The following LNX1 variants were observed in gnomAD, a reference collection of about 807,000 sequenced individuals.
LNX1 encodes ligand of numb-protein X 1, also known as E3 ubiquitin-protein ligase LNX.
LNX1 carries 54 observed loss-of-function variants against 68.4 expected under a neutral mutation model. The ratio of observed to expected loss-of-function variants is 0.79; its 90% confidence interval spans 0.63 to 0.99. LNX1 has a LOEUF of 0.99. Among genes scored for constraint, LNX1 ranks in the 50% least tolerant of loss-of-function variants. The probability of loss-of-function intolerance (pLI) is 0.00; values close to 1 mark genes in which losing one functional copy is unlikely to be tolerated. For missense variants in LNX1, 906 were observed against 926.4 expected (o/e 0.98, Z 0.29); for synonymous variants, 336 against 350.0 (o/e 0.96, Z 0.45).
At chr4:53,638,094 T>A (rs1458661826) in intron 1 of LNX1, among the ~76,000 whole-genome samples, 5 of 152,218 alleles carry the variant, frequency 3.3e-5, no homozygotes, top group Admixed American at 2.0e-4. Context: ...CTTCCTGTCA[T>A]CATGATATAC....
intron 2 of LNX1, among the ~76,000 whole-genome samples, chr4:53,609,418 C>T (rs1465565942): frequency 2.0e-5 from 3 of 150,748 alleles, no homozygotes; most frequent in Non-Finnish European, 4.4e-5. Context: ...GCCAAAAACA[C>T]CAAAAAACTA....
chr4:53,588,381 T>C (rs1241007520), intron 1 of LNX1, among the ~76,000 whole-genome samples: 1 of 152,190 alleles, frequency 6.6e-6, no homozygotes, highest in Non-Finnish European at 1.5e-5. Flanking sequence ...TTCATCTTCA[T>C]GATAACCCTA....
chr4:53,637,446 A>C (rs978304963), intron 1 of LNX1, among the ~76,000 whole-genome samples: 13 of 152,186 alleles, frequency 8.5e-5, no homozygotes, highest in Admixed American at 6.5e-4. Context: ...TGATTCTAGG[A>C]GTAAGAAAAT....
At chr4:53,482,426 T>C (rs1724006546) in intron 6 of LNX1, among the ~76,000 whole-genome samples, 2 of 152,156 alleles carry the variant, frequency 1.3e-5, no homozygotes, top group African/African-American at 4.8e-5. Context: ...TTACCTTCAA[T>C]TCACAATCAC....
chr4:53,500,303 A>T (rs1197161820), intron 4 of LNX1: 1 of 151,878 alleles, frequency 6.6e-6, no homozygotes, highest in African/African-American at 2.4e-5. Context: ...CAGAGGGGAC[A>T]CCAACAAGTG....
At chr4:53,475,197 A>C (rs1723485619) in intron 9 of LNX1, among the ~76,000 whole-genome samples, 1 of 152,260 alleles carries the variant, frequency 6.6e-6, no homozygotes, top group African/African-American at 2.4e-5. Flanking sequence ...CTCTTACACA[A>C]ATGAATAATG....
At chr4:53,582,151 T>C (rs1731875736) in intron 1 of LNX1, among the ~76,000 whole-genome samples, 1 of 152,176 alleles carries the variant, frequency 6.6e-6, no homozygotes, top group Non-Finnish European at 1.5e-5. Flanking sequence ...CTTTTTTGGA[T>C]CTTGATATTT....
At chr4:53,585,345 T>G (rs73147488) in intron 1 of LNX1, among the ~76,000 whole-genome samples, 2 of 152,210 alleles carry the variant, frequency 1.3e-5, no homozygotes, top group Admixed American at 1.3e-4. Context: ...GCCTGTACTT[T>G]GCTCAGTATT....
chr4:53,465,956 T>C (rs991206312), intron 9 of LNX1, among the ~76,000 whole-genome samples: 11 of 152,226 alleles, frequency 7.2e-5, no homozygotes, highest in Non-Finnish European at 1.6e-4. Context: ...GCATAGTATA[T>C]TGGCATCTAC....
In LNX1 at chr4:53,460,439, A is replaced by T. The variant is rs1263165773; in HGVS notation, c.*468T>A. On this transcript the variant is annotated 3_prime_UTR_variant, in exon 11 of 11. Transcript: ENST00000263925. ...CAAAAGTAATCTTAATTAGTATCAC[A>T]TACTAAAAGACAACTATAACTTCTG... 1 of 191,182 alleles carries T rather than the reference A, an allele frequency of 5.2e-6. No homozygotes were observed. Among genetic ancestry groups the T allele is most frequent in the Non-Finnish European group, 1.1e-5 (1 of 91,682 alleles). 11.8% of individuals were successfully genotyped at this position (191,182 alleles called of 1,614,324 possible). A position where few individuals can be genotyped will look rare whatever the true frequency, so the allele number is the denominator to read the frequency against.
chr4:53,629,391 C>A (rs892353728), intron 1 of LNX1, among the ~76,000 whole-genome samples: 5 of 152,174 alleles, frequency 3.3e-5, no homozygotes, highest in Admixed American at 3.3e-4. Flanking sequence ...GGCAAAGAGG[C>A]AGACTTGCAG....
At chr4:53,600,148 C>T (rs998610618) in intron 2 of LNX1, among the ~76,000 whole-genome samples, 1 of 152,182 alleles carries the variant, frequency 6.6e-6, no homozygotes, top group African/African-American at 2.4e-5. Context: ...GAGCAAATTA[C>T]TATTTTCCTC....
At chr4:53,553,915 T>C (rs1715998218) in intron 2 of LNX1, among the ~76,000 whole-genome samples, 1 of 152,214 alleles carries the variant, frequency 6.6e-6, no homozygotes, top group Admixed American at 6.5e-5. Flanking sequence ...ACCCTGAGAC[T>C]GACCCTGTAT....
rs368365386 is a variant in LNX1, at chr4:53,557,879, T to A, written c.380+15744A>T. 7.5e-5 allele frequency: 121 copies of A among 1,613,316 alleles called. No homozygotes were observed. The Middle Eastern group carries it at 8.2e-4, about 11-fold the overall frequency. ...CGGACAGAGAGGGGACTCACAGTTCTGAATACAGGAAGTGCAGGTTGCCCA... is the reference window on the plus strand; with the variant it reads ...CGGACAGAGAGGGGACTCACAGTTCAGAATACAGGAAGTGCAGGTTGCCCA... On this transcript the variant is annotated intron_variant, in intron 2 of 10. Coordinates refer to ENST00000263925, the MANE Select transcript of LNX1 (RefSeq NM_001126328.3).
At chr4:53,483,515 C>T (rs748149840) in intron 6 of LNX1, among the ~76,000 whole-genome samples, 1 of 152,226 alleles carries the variant, frequency 6.6e-6, no homozygotes, top group African/African-American at 2.4e-5. Flanking sequence ...ATGAAACTCA[C>T]ATAAATAGAG....
intron 6 of LNX1, among the ~76,000 whole-genome samples, chr4:53,493,205 G>C (rs978522540): frequency 1.3e-5 from 2 of 152,098 alleles, no homozygotes; most frequent in African/African-American, 4.8e-5. Flanking sequence ...CTGACCTCAT[G>C]ATCTGCCTGC....
At chr4:53,598,749 C>T (rs1322708697) in intron 2 of LNX1, among the ~76,000 whole-genome samples, 2 of 152,170 alleles carry the variant, frequency 1.3e-5, no homozygotes. Context: ...GTCATCTCTT[C>T]GTTTTCTTGA....
At chr4:53,607,361 G>A (rs771936334) in intron 2 of LNX1, among the ~76,000 whole-genome samples, 1 of 151,980 alleles carries the variant, frequency 6.6e-6, no homozygotes, top group South Asian at 2.1e-4. Context: ...TCTCATTCAC[G>A]ATGGTCACGA....
chr4:53,546,489 A>G (rs1729129553), intron 2 of LNX1, among the ~76,000 whole-genome samples: 1 of 152,240 alleles, frequency 6.6e-6, no homozygotes, highest in African/African-American at 2.4e-5. Flanking sequence ...CTCAGGACAC[A>G]TATCATAAAA....
Sources: gnomAD v4.1 joint callset for allele counts (sites outside exome capture counted in the v4.1 genomes callset) on GRCh38, gnomAD v4.1.1 for gene constraint, MANE v1.5 for transcripts, NCBI Gene and HGNC (gene_info 2026-07-23, HGNC 2026-07-21) for gene names.